DYRK1A: variants seen among roughly 807,000 people sequenced by gnomAD.
DYRK1A encodes the protein dual specificity tyrosine-phosphorylation-regulated kinase 1A.
In DYRK1A, 9 loss-of-function variants were observed where a neutral mutation model predicts 79.7. The observed-to-expected ratio is 0.11, with a 90% confidence interval of 0.07 to 0.20. DYRK1A has a LOEUF of 0.20. Among genes scored for constraint, DYRK1A ranks in the 10% least tolerant of loss-of-function variants. The probability of loss-of-function intolerance (pLI) is 1.00; values close to 1 mark genes in which losing one functional copy is unlikely to be tolerated. For missense variants in DYRK1A, 622 were observed against 956.0 expected (o/e 0.65, Z 4.61); for synonymous variants, 349 against 329.7 (o/e 1.06, Z -0.63).
At chr21:37,376,291 C>G (rs1368337961) in intron 1 of DYRK1A, among the ~76,000 whole-genome samples, 4 of 152,110 alleles carry the variant, frequency 2.6e-5, no homozygotes, top group East Asian at 1.9e-4. Context: ...GAGTGGATCA[C>G]GAGGTCAGGA....
At chr21:37,495,412 C>A (rs2053238304) in intron 8 of DYRK1A, among the ~76,000 whole-genome samples, 1 of 152,148 alleles carries the variant, frequency 6.6e-6, no homozygotes, top group Non-Finnish European at 1.5e-5. Flanking sequence ...AATCCCAGCA[C>A]TTTGGGAGGC....
At chr21:37,387,437 C>T (rs115348099) in intron 1 of DYRK1A, among the ~76,000 whole-genome samples, 90 of 152,262 alleles carry the variant, frequency 5.9e-4, no homozygotes, top group African/African-American at 2.1e-3. Context: ...TTTCCATTCG[C>T]TTTGTTTTCT....
At chr21:37,496,379 C>A in intron 9 of DYRK1A, 121 bp downstream of exon 9, 1 of 959,482 alleles carries the variant, frequency 1.0e-6, no homozygotes. Flanking sequence ...TTTATTGATA[C>A]CTTACATAGA....
chr21:37,512,746 T>C lies in DYRK1A; in HGVS notation c.*215T>C. On this transcript the variant is annotated 3_prime_UTR_variant, in exon 12 of 12. Transcript: ENST00000647188. ...GTCCAAACCCATCTTCATGGATAGC[T>C]CAGAGGTATCCTCTTTTTGCTCCCC... The C allele has an allele frequency of 1.8e-6, 1 of 547,826 alleles. No individual in the cohort carries two copies. The highest frequency in any genetic ancestry group is 3.2e-6 in the Non-Finnish European group (1 of 316,408). 33.9% of individuals were successfully genotyped at this position (547,826 alleles called of 1,614,324 possible).
At chr21:37,455,214 G>GT (rs1046025153) in intron 2 of DYRK1A, among the ~76,000 whole-genome samples, 12 of 151,988 alleles carry the variant, frequency 7.9e-5, no homozygotes, top group Admixed American at 1.3e-4. Context: ...CAGATGACAT[G>GT]TTTTTTCCAG....
At chr21:37,487,318 A>C (rs1286655892) in intron 6 of DYRK1A, 1 of 152,172 alleles carries the variant, frequency 6.6e-6, no homozygotes, top group African/African-American at 2.4e-5. Context: ...ATTCTCACAT[A>C]GTCTTCCTTC....
chr21:37,405,916 C>G (rs2050138499), intron 1 of DYRK1A, among the ~76,000 whole-genome samples: 1 of 151,898 alleles, frequency 6.6e-6, no homozygotes, highest in Admixed American at 6.6e-5. Flanking sequence ...CATGTGTGTT[C>G]AGTTATGTAA....
At chr21:37,403,250 G>A (rs1426003882) in intron 1 of DYRK1A, among the ~76,000 whole-genome samples, 1 of 151,574 alleles carries the variant, frequency 6.6e-6, no homozygotes, top group African/African-American at 2.4e-5. Context: ...TCCCCTATCT[G>A]TTCACACATT....
intron 2 of DYRK1A, among the ~76,000 whole-genome samples, chr21:37,422,944 AC>A (rs1338153755): frequency 6.6e-6 from 1 of 152,142 alleles, no homozygotes; most frequent in Non-Finnish European, 1.5e-5. Context: ...TACAGTTAGA[AC>A]ATGAATGAAG....
chr21:37,430,867 G>GGC (rs2050757374), intron 2 of DYRK1A, among the ~76,000 whole-genome samples: 1 of 152,168 alleles, frequency 6.6e-6, no homozygotes, highest in African/African-American at 2.4e-5. Context: ...TAGAGCCACT[G>GGC]GCGGAGGCTG....
chr21:37,433,953 G>A (rs1296663168), intron 2 of DYRK1A, among the ~76,000 whole-genome samples: 2 of 152,154 alleles, frequency 1.3e-5, no homozygotes, highest in African/African-American at 4.8e-5. Flanking sequence ...TAGTTTTAGA[G>A]TTATTGATCC....
At chr21:37,506,361 A>AT in intron 11 of DYRK1A, 138 bp downstream of exon 11, 1 of 1,558,042 alleles carries the variant, frequency 6.4e-7, no homozygotes, top group Non-Finnish European at 8.7e-7. Flanking sequence ...AAATGTAAGT[A>AT]TTTATCATAG....
intron 1 of DYRK1A, among the ~76,000 whole-genome samples, chr21:37,385,453 T>G (rs1287385045): frequency 6.6e-6 from 1 of 152,254 alleles, no homozygotes; most frequent in Admixed American, 6.5e-5. Flanking sequence ...TTTCTTGCCA[T>G]GTGGTCCTTT....
At chr21:37,492,785 A>G (rs2053139155) in intron 7 of DYRK1A, among the ~76,000 whole-genome samples, 1 of 152,258 alleles carries the variant, frequency 6.6e-6, no homozygotes, top group Middle Eastern at 3.4e-3. Flanking sequence ...ATTAGACTAA[A>G]TGAAAGGGCT....
chr21:37,479,411 T>C (rs1224153543), intron 4 of DYRK1A, among the ~76,000 whole-genome samples: 1 of 151,228 alleles, frequency 6.6e-6, no homozygotes, highest in African/African-American at 2.5e-5. Flanking sequence ...TTGTTAACAG[T>C]AGCTTTCTTG....
At chr21:37,398,910 T>C (rs993589769) in intron 1 of DYRK1A, among the ~76,000 whole-genome samples, 2 of 151,736 alleles carry the variant, frequency 1.3e-5, no homozygotes, top group Admixed American at 1.3e-4. Flanking sequence ...GAAACTTTTT[T>C]TTTTTTTTTT....
chr21:37,383,048 AAAGCT>A (rs1220376280), intron 1 of DYRK1A, among the ~76,000 whole-genome samples: 3 of 152,200 alleles, frequency 2.0e-5, no homozygotes, highest in Non-Finnish European at 2.9e-5. Context: ...CACCATTAAG[AAAGCT>A]AATTGTTCAC....
rs987007976 is a variant in DYRK1A at position 37,515,983 on chromosome 21, G to A, written c.*3452G>A. ...TGAACTTTTCTGTTCTTCCAATAGG[G>A]AGATACATAATCAAAATACACACGA... is the stretch of plus-strand genomic sequence containing the variant. On this transcript the variant is annotated 3_prime_UTR_variant, in exon 12 of 12. Transcript: ENST00000647188. The A allele has an allele frequency of 6.6e-6, 1 of 152,152 alleles. No individual in the cohort carries two copies. The highest frequency in any genetic ancestry group is 6.5e-5 in the Admixed American group (1 of 15,272). 9.4% of individuals were successfully genotyped at this position (152,152 alleles called of 1,614,324 possible).
chr21:37,495,093 A>G (rs568440376), intron 8 of DYRK1A, among the ~76,000 whole-genome samples: 1 of 151,866 alleles, frequency 6.6e-6, no homozygotes, highest in Admixed American at 6.5e-5. Context: ...AGGCACACTC[A>G]TTTAAAGTAC....
Sources: gnomAD v4.1 joint callset for allele counts (sites outside exome capture counted in the v4.1 genomes callset) on GRCh38, gnomAD v4.1.1 for gene constraint, MANE v1.5 for transcripts, NCBI Gene and HGNC (gene_info 2026-07-23, HGNC 2026-07-21) for gene names.